BIRC6: variants seen among roughly 807,000 people sequenced by gnomAD.
The protein encoded by BIRC6 is dual E2 ubiquitin-conjugating enzyme/E3 ubiquitin-protein ligase BIRC6.
BIRC6 carries 98 observed loss-of-function variants against 503.3 expected under a neutral mutation model. The ratio of observed to expected loss-of-function variants is 0.19; its 90% CI spans 0.17 to 0.23. The LOEUF (loss-of-function observed/expected upper bound fraction) is 0.23. Among genes scored for constraint, BIRC6 ranks in the 10% least tolerant of loss-of-function variants. The pLI is 1.00. For missense variants in BIRC6, 5,360 were observed against 5,806.0 expected (o/e 0.92, Z 2.50); for synonymous variants, 2,240 against 2,078.7 (o/e 1.08, Z -2.11).
intron 1 of BIRC6, among the ~76,000 whole-genome samples, chr2:32,369,994 G>GTATA (rs1471206655): frequency 2.0e-5 from 2 of 99,674 alleles, no homozygotes; most frequent in Middle Eastern, 5.6e-3. Flanking sequence ...ATGTATGTAT[G>GTATA]TATGTGTGTG....
chr2:32,367,402 G>A (rs1219401711), intron 1 of BIRC6, among the ~76,000 whole-genome samples: 1 of 151,448 alleles, frequency 6.6e-6, no homozygotes, highest in Non-Finnish European at 1.5e-5. Flanking sequence ...GCAGAGGTTT[G>A]CACTGAGCTG....
chr2:32,404,669 TATATA>T (rs1231607873), intron 8 of BIRC6, among the ~76,000 whole-genome samples: 4 of 151,632 alleles, frequency 2.6e-5, no homozygotes, highest in African/African-American at 4.8e-5. Flanking sequence ...ATTTTACAAA[TATATA>T]TATATAATTT....
intron 26 of BIRC6, among the ~76,000 whole-genome samples, chr2:32,467,184 A>T (rs2048644071): frequency 6.6e-6 from 1 of 151,462 alleles, no homozygotes; most frequent in Non-Finnish European, 1.5e-5. Flanking sequence ...GGCTATTCAC[A>T]GGTGCAGTAG....
At chr2:32,445,232 C>T (rs1452964465) in intron 20 of BIRC6, among the ~76,000 whole-genome samples, 4 of 152,158 alleles carry the variant, frequency 2.6e-5, no homozygotes, top group Admixed American at 2.6e-4. Context: ...TTATTATACA[C>T]CTAAATAAAT....
At chr2:32,405,866 T>C (rs546714235) in intron 8 of BIRC6, among the ~76,000 whole-genome samples, 2 of 152,226 alleles carry the variant, frequency 1.3e-5, no homozygotes, top group African/African-American at 4.8e-5. Flanking sequence ...TGCTGTCTTT[T>C]ATATTTTTGT....
chr2:32,375,501 C>A (rs926578993), intron 1 of BIRC6, among the ~76,000 whole-genome samples: 43 of 151,820 alleles, frequency 2.8e-4, no homozygotes, highest in African/African-American at 7.5e-4. Flanking sequence ...ACAAAAAAAA[C>A]CCCCAAAAAA....
chr2:32,397,943 A>T (rs942881054), intron 6 of BIRC6, among the ~76,000 whole-genome samples: 9 of 152,026 alleles, frequency 5.9e-5, no homozygotes, highest in African/African-American at 2.2e-4. Flanking sequence ...AGCATTTGGG[A>T]TTCCTCAAAC....
chr2:32,615,943 T>G (rs941600724), intron 73 of BIRC6, among the ~76,000 whole-genome samples: 2 of 152,186 alleles, frequency 1.3e-5, no homozygotes, highest in Admixed American at 1.3e-4. Context: ...GACACAATTT[T>G]AAAAGCCTTT....
At chr2:32,420,936 G>GTT (rs2042874836) in intron 10 of BIRC6, among the ~76,000 whole-genome samples, 1 of 72,242 alleles carries the variant, frequency 1.4e-5, no homozygotes, top group Non-Finnish European at 2.7e-5. Context: ...CTGTTTTATT[G>GTT]ATTTTTTTTT....
intron 20 of BIRC6, among the ~76,000 whole-genome samples, chr2:32,445,039 C>T (rs192608481): frequency 1.7e-3 from 262 of 152,308 alleles, no homozygotes; most frequent in Middle Eastern, 3.4e-3. Context: ...CTGTACCTAA[C>T]GCATTATAGA....
intron 8 of BIRC6, 48 bp downstream of exon 8, chr2:32,401,671 C>A: frequency 1.3e-6 from 2 of 1,503,538 alleles, no homozygotes; most frequent in South Asian, 1.3e-5. Context: ...ACATGTTTTC[C>A]TAAATTTTAT....
chr2:32,598,821 C>T (rs1245803983), intron 69 of BIRC6, among the ~76,000 whole-genome samples: 1 of 149,754 alleles, frequency 6.7e-6, no homozygotes, highest in Non-Finnish European at 1.5e-5. Context: ...TCAAGAGTTC[C>T]AGACCAGCCT....
intron 23 of BIRC6, among the ~76,000 whole-genome samples, chr2:32,461,066 T>A (rs2047887966): frequency 2.0e-5 from 1 of 50,334 alleles, no homozygotes; most frequent in Non-Finnish European, 4.8e-5. Context: ...TCTTCTCTTC[T>A]GTTCTCCTCT....
intron 65 of BIRC6, among the ~76,000 whole-genome samples, chr2:32,551,928 T>G (rs1164669439): frequency 6.6e-6 from 1 of 152,242 alleles, no homozygotes; most frequent in East Asian, 1.9e-4. Flanking sequence ...TAATTTTGCC[T>G]GAGACATTGT....
At position 32,481,348 on chromosome 2, in the gene BIRC6, A is replaced by G. The variant is rs1195704555; in HGVS notation, c.7437A>G (p.Lys2479=). 1 of 1,609,608 alleles carries G rather than the reference A, an allele frequency of 6.2e-7. No individual in the cohort carries two copies. Among genetic ancestry groups the G allele is most frequent in the Non-Finnish European group, 8.5e-7 (1 of 1,177,538 alleles). ...TGAPPLSSLE[K]DKEIDLELLQ... ...CACCTCCTCTGTCCTCTTTGGAAAA[A>G]GATAAAGAAATTGACCTTGAGTTAC... is the stretch of plus-strand genomic sequence containing the variant. The change falls in exon 38 of 74, where the codon AAA becomes AAG. Residue 2479 remains lysine (K), a synonymous_variant. Coordinates refer to ENST00000421745, the MANE Select transcript of BIRC6 (RefSeq NM_016252.4).
chr2:32,484,657 C>T (rs932649453), intron 39 of BIRC6, among the ~76,000 whole-genome samples: 3 of 151,614 alleles, frequency 2.0e-5, no homozygotes, highest in African/African-American at 7.3e-5. Flanking sequence ...TGAATTATAC[C>T]TTACCATTTT....
intron 22 of BIRC6, among the ~76,000 whole-genome samples, chr2:32,450,862 ACTT>A (rs1204487659): frequency 1.3e-5 from 2 of 152,224 alleles, no homozygotes; most frequent in Admixed American, 6.5e-5. Flanking sequence ...CTACATGAGT[ACTT>A]CTTATACTGT....
intron 9 of BIRC6, 102 bp downstream of exon 9, chr2:32,406,659 C>G (rs1344871677): frequency 5.1e-6 from 4 of 788,968 alleles, no homozygotes; most frequent in Non-Finnish European, 6.1e-6. Context: ...AATGCTAACT[C>G]TAAATTTTTG....
At chr2:32,483,716 A>C (rs939507267) in intron 39 of BIRC6, among the ~76,000 whole-genome samples, 1 of 152,214 alleles carries the variant, frequency 6.6e-6, no homozygotes, top group African/African-American at 2.4e-5. Context: ...TATTTTGTAG[A>C]ATGGTCCTCA....
Sources: allele counts gnomAD v4.1 joint callset (sites outside exome capture counted in the v4.1 genomes callset), GRCh38; gene constraint gnomAD v4.1.1; transcripts MANE v1.5; gene names NCBI Gene and HGNC (gene_info 2026-07-23, HGNC 2026-07-21).